Variants in FABP12 observed in about 807,000 individuals in gnomAD.
The protein encoded by FABP12 is fatty acid-binding protein 12.
Under a neutral mutation model 13.7 loss-of-function variants are expected in FABP12, and 19 were observed. The ratio of observed to expected loss-of-function variants is 1.39; its 90% confidence interval spans 0.97 to 2.04. FABP12 has a LOEUF of 2.04. FABP12 is among the 30% of genes most tolerant of loss of function. The pLI, the probability that FABP12 is intolerant of heterozygous loss-of-function variation, is 0.00. For missense variants in FABP12, 182 were observed against 164.2 expected (o/e 1.11, Z -0.59); for synonymous variants, 61 against 57.0 (o/e 1.07, Z -0.32).
In FABP12 at chr8:81,542,658, T is replaced by G. The variant is rs535957601; in HGVS notation, c.-184-2915A>C. Among the ~76,000 whole-genome samples the G allele has an allele frequency of 2.0e-5, 3 of 152,122 alleles. No homozygotes were observed. In the South Asian group the frequency reaches 6.2e-4, roughly 32 times the overall value. ...TATGCAACTCTCTGGGAGTGCAGAG[T>G]GTACTCAAGTTGCCAGTGATCTGCA... On this transcript the variant is annotated intron_variant, in intron 1 of 5. Transcript: ENST00000692030.
intron 4 of FABP12, among the ~76,000 whole-genome samples, chr8:81,525,372 C>T (rs1563540079): frequency 6.6e-6 from 1 of 151,978 alleles, no homozygotes; most frequent in Admixed American, 6.6e-5. Flanking sequence ...AAAAATTAGC[C>T]GGGGATGATG....
intron 1 of FABP12, among the ~76,000 whole-genome samples, chr8:81,577,326 G>A (rs1304007729): frequency 6.6e-6 from 1 of 152,162 alleles, no homozygotes; most frequent in African/African-American, 2.4e-5. Flanking sequence ...AGATATTTCA[G>A]TGGAGGTATT....
intron 4 of FABP12, 48 bp from the exon 5 acceptor site, chr8:81,525,168 T>G: frequency 8.0e-7 from 1 of 1,255,958 alleles, no homozygotes; most frequent in Non-Finnish European, 1.1e-6. Context: ...TTAGTGAAAT[T>G]AACATTTAGA....
chr8:81,584,600 G>A (rs1810216274), intron 1 of FABP12, among the ~76,000 whole-genome samples: 1 of 152,050 alleles, frequency 6.6e-6, no homozygotes. Flanking sequence ...AATCCCCTGT[G>A]AGCCAAGCTG....
At chr8:81,565,501 A>G (rs1045596733) in intron 1 of FABP12, among the ~76,000 whole-genome samples, 4 of 151,980 alleles carry the variant, frequency 2.6e-5, no homozygotes, top group Non-Finnish European at 4.4e-5. Context: ...TCTGACCACA[A>G]TGGAATAAAT....
intron 1 of FABP12, among the ~76,000 whole-genome samples, chr8:81,572,509 T>C (rs1031322479): frequency 1.3e-5 from 2 of 152,232 alleles, no homozygotes; most frequent in African/African-American, 4.8e-5. Context: ...GTTTTACTTT[T>C]AGTTCTTTCA....
At chr8:81,569,910 C>T (rs187568085) in intron 1 of FABP12, among the ~76,000 whole-genome samples, 5 of 152,322 alleles carry the variant, frequency 3.3e-5, no homozygotes, top group Middle Eastern at 3.4e-3. Context: ...TCGTTCTGCC[C>T]GCTCGGCCTG....
chr8:81,543,713 T>G (rs986239154), intron 1 of FABP12, among the ~76,000 whole-genome samples: 1 of 152,248 alleles, frequency 6.6e-6, no homozygotes, highest in Non-Finnish European at 1.5e-5. Context: ...AAGTTGTTTT[T>G]CTTTCTATTT....
chr8:81,586,283 C>G (rs193208679), intron 1 of FABP12, among the ~76,000 whole-genome samples: 167 of 152,172 alleles, frequency 1.1e-3, no homozygotes, highest in Non-Finnish European at 1.7e-3. Flanking sequence ...TTGTTATTAT[C>G]AAGAGTGCTG....
chr8:81,571,306 A>G (rs1384128234), intron 1 of FABP12, among the ~76,000 whole-genome samples: 1 of 152,256 alleles, frequency 6.6e-6, no homozygotes, highest in Admixed American at 6.5e-5. Flanking sequence ...GCCCAGGTCC[A>G]TAGCCCCAAC....
At chr8:81,529,502 T>C (rs745611767) in exon 3 of FABP12, 3 of 1,613,888 alleles carry the variant, frequency 1.9e-6, no homozygotes, top group Non-Finnish European at 2.5e-6. Context: ...GGAGATCTCA[T>C]TATTTTTAAA....
Position 81,555,181 on chromosome 8 carries a change from C to T in FABP12, c.-184-15438G>A, listed in dbSNP as rs115620503. ...GGGAAAGAAACAATCACATGATCTT[C>T]GTTTAATTAGCCAGATAATAAAACC... On this transcript the variant is annotated intron_variant, in intron 1 of 5. Coordinates refer to the FABP12 transcript ENST00000692030. Among the ~76,000 whole-genome samples, 903 of 152,262 alleles carry T rather than the reference C, an allele frequency of 5.9e-3. 6 individuals carry two copies. Among genetic ancestry groups the T allele is most frequent in the African/African-American group, 0.021 (860 of 41,540 alleles).
chr8:81,555,559 A>C (rs1282347115), intron 1 of FABP12, among the ~76,000 whole-genome samples: 4 of 152,232 alleles, frequency 2.6e-5, no homozygotes, highest in Admixed American at 2.6e-4. Context: ...AGTGGAAAGA[A>C]TACTGTCACA....
At chr8:81,572,550 G>A (rs773693150) in intron 1 of FABP12, among the ~76,000 whole-genome samples, 1 of 152,168 alleles carries the variant, frequency 6.6e-6, no homozygotes, top group Non-Finnish European at 1.5e-5. Context: ...CATAGCGGCT[G>A]TACTAGTTTA....
intron 2 of FABP12, among the ~76,000 whole-genome samples, chr8:81,530,212 A>G (rs1434181932): frequency 6.6e-6 from 1 of 152,194 alleles, no homozygotes; most frequent in Non-Finnish European, 1.5e-5. Context: ...AATATGTTAT[A>G]TCTACTGTTT....
intron 4 of FABP12, among the ~76,000 whole-genome samples, chr8:81,525,374 G>A (rs1456674491): frequency 6.6e-6 from 1 of 152,026 alleles, no homozygotes; most frequent in Non-Finnish European, 1.5e-5. Context: ...AAATTAGCCG[G>A]GGATGATGGC....
At chr8:81,546,134 A>G (rs535701716) in intron 1 of FABP12, among the ~76,000 whole-genome samples, 1 of 152,336 alleles carries the variant, frequency 6.6e-6, no homozygotes, top group East Asian at 1.9e-4. Context: ...TATTGGAATG[A>G]CAATGGTTCT....
intron 1 of FABP12, among the ~76,000 whole-genome samples, chr8:81,553,323 G>A (rs771067918): frequency 6.6e-6 from 1 of 152,152 alleles, no homozygotes; most frequent in African/African-American, 2.4e-5. Flanking sequence ...AAAATGTATG[G>A]CTGGGTGATC....
chr8:81,546,263 A>T (rs1034238549), intron 1 of FABP12, among the ~76,000 whole-genome samples: 1 of 152,224 alleles, frequency 6.6e-6, no homozygotes, highest in Non-Finnish European at 1.5e-5. Flanking sequence ...GTTTATGACA[A>T]GTGATTTTTA....
Sources: allele counts gnomAD v4.1 joint callset (sites outside exome capture counted in the v4.1 genomes callset), GRCh38; gene constraint gnomAD v4.1.1; transcripts MANE v1.5; gene names NCBI Gene and HGNC (gene_info 2026-07-23, HGNC 2026-07-21).